CP: variants seen among roughly 807,000 people sequenced by gnomAD.
CP encodes caeruloplasmin.
CP carries 64 observed loss-of-function variants against 122.4 expected under a neutral mutation model. The observed-to-expected ratio is 0.52, with a 90% confidence interval of 0.43 to 0.64. The LOEUF (loss-of-function observed/expected upper bound fraction) is 0.64, where lower values mean the gene tolerates loss of function less well. CP is among the 30% of genes least tolerant of loss of function. CP has a pLI of 0.00. For synonymous variants in CP, 440 were observed against 436.4 expected, an observed-to-expected ratio of 1.01 and a Z score of -0.10; for missense variants, 1,167 against 1,284.4, an observed-to-expected ratio of 0.91 and a Z score of 1.40.
chr3:149,162,795 T>C lies in CP; in HGVS notation c.*94A>G, dbSNP rs1340042690. The C allele has an allele frequency of 2.5e-6, 4 of 1,614,084 alleles. No individual in the cohort carries two copies. In the South Asian group the frequency reaches 4.4e-5, roughly 18 times the overall value. ...AGATGTGGTACTTCAGGAACTCTTT[T>C]TCAAACTCACATCACAGTACATCTG... On this transcript the variant is annotated 3_prime_UTR_variant, in exon 6 of 6. Coordinates refer to the CP transcript ENST00000479771.
intron 1 of CP, among the ~76,000 whole-genome samples, chr3:149,218,975 G>A (rs1172383500): frequency 1.3e-5 from 2 of 152,092 alleles, no homozygotes; most frequent in Non-Finnish European, 2.9e-5. Flanking sequence ...TGCCAACCAT[G>A]TCTTGTGATA....
rs370460129 is a variant in CP at position 149,206,202 on chromosome 3, T to A, written c.1174A>T (p.Ile392Phe). The A allele has an allele frequency of 4.6e-5, 75 of 1,613,888 alleles. No individual in the cohort carries two copies. The highest frequency in any genetic ancestry group is 6.0e-5 in the Non-Finnish European group (71 of 1,179,876). The change falls in exon 6 of 19, where the codon ATC becomes TTC. Residue 392 changes from isoleucine to phenylalanine, a missense_variant. Transcript: ENST00000264613. ...IWNYAPSGID[I>F]FTKENLTAPG... ...GCTGTTAAGTTTTCTTTAGTGAAGA[T>A]GTCTATACCAGAGGGAGCATAGTTC...
chr3:149,216,949 A>G (rs553345485), intron 1 of CP, among the ~76,000 whole-genome samples: 12 of 136,276 alleles, frequency 8.8e-5, no homozygotes, highest in Non-Finnish European at 1.8e-4. Context: ...CGCCCAGGCT[A>G]TAATGTAACG....
intron 9 of CP, 52 bp downstream of exon 9, chr3:149,198,315 A>G: frequency 1.5e-6 from 2 of 1,368,712 alleles, no homozygotes; most frequent in Non-Finnish European, 2.1e-6. Flanking sequence ...TTTCTGTCAA[A>G]TGATCATTTT....
At chr3:149,168,073 A>G (rs1724611646), downstream of CP, 2 of 794,000 alleles carry the variant, frequency 2.5e-6, no homozygotes, top group Admixed American at 1.9e-5. Context: ...TGTGATTCTC[A>G]AGTGAAACCG....
At chr3:149,176,109 G>T in intron 18 of CP, 141 bp downstream of exon 18, 1 of 796,364 alleles carries the variant, frequency 1.3e-6, no homozygotes, top group Non-Finnish European at 2.1e-6. Flanking sequence ...CTGTTTGGAG[G>T]TAGAGAAGGA....
intron 9 of CP, among the ~76,000 whole-genome samples, chr3:149,188,671 C>T (rs1400591026): frequency 6.6e-6 from 1 of 151,924 alleles, no homozygotes; most frequent in Non-Finnish European, 1.5e-5. Context: ...CCAATGAATT[C>T]GAACAGAGAT....
At position 149,163,840 on chromosome 3, in the gene CP, A is replaced by G. The variant is rs397507168; in HGVS notation, c.*14-965T>C. On this transcript the variant is annotated intron_variant, in intron 5 of 5. Coordinates refer to the CP transcript ENST00000479771. ...TTTATGAGAAATTCTTTTATGTTTT[A>G]GATAAATGCCTGTAGTCATTATGGC... is the stretch of plus-strand genomic sequence containing the variant. The G allele has an allele frequency of 6.8e-6, 10 of 1,463,988 alleles. No homozygotes were observed. The highest frequency in any genetic ancestry group is 8.6e-6 in the Non-Finnish European group (9 of 1,042,988). 90.7% of individuals were successfully genotyped at this position (1,463,988 alleles called of 1,614,324 possible). A position where few individuals can be genotyped will look rare whatever the true frequency, so the allele number is the denominator to read the frequency against.
chr3:149,206,351 CAGAA>C lies in CP; in HGVS notation c.1037-16_1037-13del, dbSNP rs760010903. 7 of 1,613,658 alleles carry C rather than the reference CAGAA, an allele frequency of 4.3e-6. No homozygotes were observed. In the Admixed American group the frequency reaches 1.2e-4, roughly 27 times the overall value. On this transcript the variant is annotated splice_polypyrimidine_tract_variant and intron_variant, in intron 5 of 18. Coordinates refer to ENST00000264613, the MANE Select transcript of CP (RefSeq NM_000096.4). ...GGCTTGCAAACCGGCTGAAATGAAA[CAGAA>C]AGAGGCATTGATTAATGAAGACAAT...
At chr3:149,171,054 C>T (rs185107648), downstream of CP, among the ~76,000 whole-genome samples, 24 of 152,186 alleles carry the variant, frequency 1.6e-4, no homozygotes, top group East Asian at 3.1e-3. Context: ...CCAAGGCAGG[C>T]GGATCATGAG....
intron 1 of CP, among the ~76,000 whole-genome samples, chr3:149,218,614 A>T (rs1576791465): frequency 6.6e-6 from 1 of 152,166 alleles, no homozygotes; most frequent in East Asian, 1.9e-4. Flanking sequence ...CTGTTACCTG[A>T]TTTGTTCTAT....
At chr3:149,186,427 G>A in intron 11 of CP, 93 bp downstream of exon 11, 1 of 1,210,708 alleles carries the variant, frequency 8.3e-7, no homozygotes, top group South Asian at 1.3e-5. Context: ...TTGGGGAAGG[G>A]ATAAGTTTAT....
In CP at chr3:149,206,239, C is replaced by G; in HGVS notation, c.1137G>C (p.Glu379Asp). Residue 379 changes from glutamate (E) to aspartate (D), a missense_variant, in exon 6 of 19, where the codon GAG becomes GAC. Glu to Asp is a conservative substitution (Grantham distance 45). This residue lies in a region of CP where 642 missense variants were observed against 627.3 expected (regional missense o/e 1.02). Transcript: ENST00000264613. Reference protein sequence around the residue: ...KHVRHYYIAAEEIIWNYAPSG... With the variant: ...KHVRHYYIAADEIIWNYAPSG... ...AGGGAGCATAGTTCCAGATGATTTC[C>G]TCAGCGGCAATGTAGTAGTGTCTAA... The G allele has an allele frequency of 6.2e-7, 1 of 1,613,954 alleles. No homozygotes were observed. Among genetic ancestry groups the G allele is most frequent in the Non-Finnish European group, 8.5e-7 (1 of 1,179,902 alleles).
intron 6 of CP, among the ~76,000 whole-genome samples, chr3:149,203,556 G>T (rs188900440): frequency 1.6e-3 from 248 of 152,326 alleles, no homozygotes; most frequent in African/African-American, 5.7e-3. Context: ...GAGCCACGGC[G>T]CTTGGCCAGG....
intron 14 of CP, among the ~76,000 whole-genome samples, chr3:149,181,005 C>CGAT (rs58614217): frequency 0.19 from 29,126 of 151,398 alleles, 2,964 homozygotes; most frequent in East Asian, 0.27. Flanking sequence ...TTCCAAATCT[C>CGAT]GATGATGATG....
chr3:149,172,368 A>C (rs1010344465), downstream of CP: 2 of 648,742 alleles, frequency 3.1e-6, no homozygotes, highest in Non-Finnish European at 5.4e-6. Context: ...ATATGATACA[A>C]ATGCTTTCAG....
In CP at chr3:149,209,233, G is replaced by A. The variant is rs978944744; in HGVS notation, c.759C>T (p.Phe253=). The change falls in exon 4 of 19, where the codon TTC becomes TTT. Residue 253 remains phenylalanine, a synonymous_variant. Coordinates refer to ENST00000264613, the MANE Select transcript of CP (RefSeq NM_000096.4). The stretch of plus-strand genomic sequence containing the variant: ...TACAATACATTCTGTTACTCTCCTG[G>A]AAGTCTTCGTTGTCTTTGTCAACTT... ...PEKVDKDNED[F]QESNRMYSVN... is the part of the protein sequence containing the mutation. 6.2e-7 allele frequency: 1 copy of A among 1,613,712 alleles called. No individual in the cohort carries two copies. The highest frequency in any genetic ancestry group is 8.5e-7 in the Non-Finnish European group (1 of 1,179,724).
chr3:149,167,337 A>G, intron 4 of CP: 2 of 913,982 alleles, frequency 2.2e-6, no homozygotes, highest in South Asian at 2.8e-5. Flanking sequence ...ATTTATGCTA[A>G]TCCAACATCA....
At chr3:149,195,192 G>A (rs1027353602) in intron 9 of CP, among the ~76,000 whole-genome samples, 2 of 152,114 alleles carry the variant, frequency 1.3e-5, no homozygotes, top group South Asian at 2.1e-4. Flanking sequence ...TTGTAATAAC[G>A]CTGTGGAAAC....
Sources: allele counts gnomAD v4.1 joint callset (sites outside exome capture counted in the v4.1 genomes callset), GRCh38; gene constraint gnomAD v4.1.1; regional missense constraint gnomAD v4.1.1; transcripts MANE v1.5; gene names NCBI Gene and HGNC (gene_info 2026-07-23, HGNC 2026-07-21).